Variants in SLC24A2 observed in about 807,000 individuals in gnomAD.
SLC24A2 encodes the protein solute carrier family 24 member 2.
SLC24A2 carries 36 observed loss-of-function variants against 62.0 expected under a neutral mutation model. That is an observed-to-expected ratio of 0.58 (90% confidence interval 0.44 to 0.77). SLC24A2 has a LOEUF of 0.77. Ranked by LOEUF, SLC24A2 falls within the 30% of genes least tolerant of loss-of-function variation. The pLI is 0.00. For missense variants in SLC24A2, 846 were observed against 817.9 expected (o/e 1.03, Z -0.42); for synonymous variants, 358 against 294.0 (o/e 1.22, Z -2.23).
chr9:19,550,220 CAGA>C lies in SLC24A2; in HGVS notation c.1393_1395del (p.Ser465del). 6.2e-7 allele frequency: 1 copy of C among 1,614,126 alleles called. No individual in the cohort carries two copies. The highest frequency in any genetic ancestry group is 1.6e-4 in the Middle Eastern group (1 of 6,062). On this transcript the variant is annotated inframe_deletion, in exon 8 of 11. Coordinates refer to ENST00000341998, the MANE Select transcript of SLC24A2 (RefSeq NM_020344.4). ...AGAAACGTGACTTGCTTGCGGGTTT[CAGA>C]AGGCCAGGCAAGGCTGAGAGGCTGG...
chr9:20,064,828 T>A, the SLC24A2 span, among the ~76,000 whole-genome samples: 1 of 152,096 alleles, frequency 6.6e-6, no homozygotes, highest in Non-Finnish European at 1.5e-5. Context: ...CATGAAGACA[T>A]GTTTCATGGA....
the SLC24A2 span, among the ~76,000 whole-genome samples, chr9:19,837,450 C>T: frequency 2.1e-4 from 20 of 97,288 alleles, no homozygotes; most frequent in African/African-American, 8.3e-4. Context: ...CAGAGCGAGA[C>T]TCCGTCTCAA....
chr9:20,015,052 T>G, the SLC24A2 span, among the ~76,000 whole-genome samples: 1 of 152,032 alleles, frequency 6.6e-6, no homozygotes, highest in African/African-American at 2.4e-5. Context: ...TAAAAAGAAA[T>G]AAACAAAAAA....
the SLC24A2 span, among the ~76,000 whole-genome samples, chr9:19,828,456 T>G: frequency 6.6e-6 from 1 of 152,026 alleles, no homozygotes; most frequent in Non-Finnish European, 1.5e-5. Flanking sequence ...TAATTCAAAA[T>G]AAAAAATTAA....
chr9:19,809,313 A>G, the SLC24A2 span, among the ~76,000 whole-genome samples: 1 of 152,202 alleles, frequency 6.6e-6, no homozygotes, highest in African/African-American at 2.4e-5. Context: ...ACACAGGTAC[A>G]GATTAAATGC....
At chr9:19,697,551 A>G (rs1301761134) in intron 2 of SLC24A2, among the ~76,000 whole-genome samples, 1 of 152,230 alleles carries the variant, frequency 6.6e-6, no homozygotes, top group African/African-American at 2.4e-5. Context: ...AATTGCATAA[A>G]TAAGTGATAC....
At chr9:19,884,599 T>A in the SLC24A2 span, among the ~76,000 whole-genome samples, 1 of 152,206 alleles carries the variant, frequency 6.6e-6, no homozygotes, top group East Asian at 1.9e-4. Context: ...TATATTCTTA[T>A]ATATAAACAT....
rs775271337 is a variant in SLC24A2, at chr9:19,550,297, C to T, written c.1348-29G>A. 4.3e-6 allele frequency: 7 copies of T among 1,612,498 alleles called. No homozygotes were observed. The Admixed American group carries it at 1.2e-4, about 27-fold the overall frequency. ...TGGTAGAAAAAGAGGTAAAATTAAA[C>T]AAACAAAAAAATAAAATGTACACAG... On this transcript the variant is annotated intron_variant, in intron 7 of 10. Coordinates refer to ENST00000341998, the MANE Select transcript of SLC24A2 (RefSeq NM_020344.4).
chr9:20,278,045 T>A, the SLC24A2 span, among the ~76,000 whole-genome samples: 2 of 151,896 alleles, frequency 1.3e-5, no homozygotes, highest in Non-Finnish European at 2.9e-5. Flanking sequence ...ATGAGAACAC[T>A]TGGACACAGG....
chr9:19,537,144 T>C (rs1834018425), intron 8 of SLC24A2, among the ~76,000 whole-genome samples: 1 of 150,776 alleles, frequency 6.6e-6, no homozygotes, highest in South Asian at 2.1e-4. Context: ...TTCTCCCATG[T>C]TGTAGGTTGC....
chr9:19,845,730 TATAAGC>T, the SLC24A2 span, among the ~76,000 whole-genome samples: 3 of 152,212 alleles, frequency 2.0e-5, no homozygotes, highest in Non-Finnish European at 4.4e-5. Context: ...TGTTTAGTGC[TATAAGC>T]TTTCCTCTTA....
chr9:20,024,610 G>A, the SLC24A2 span, among the ~76,000 whole-genome samples: 21 of 149,522 alleles, frequency 1.4e-4, no homozygotes, highest in African/African-American at 4.6e-4. Context: ...AGGATTAGTA[G>A]GTTCTCTGAT....
intron 5 of SLC24A2, among the ~76,000 whole-genome samples, chr9:19,584,891 T>A (rs1231872733): frequency 2.0e-5 from 3 of 152,194 alleles, no homozygotes; most frequent in Non-Finnish European, 4.4e-5. Context: ...TTAGTAAAAA[T>A]TAAATTACTC....
At chr9:19,947,975 T>G in the SLC24A2 span, among the ~76,000 whole-genome samples, 5 of 152,164 alleles carry the variant, frequency 3.3e-5, no homozygotes, top group Non-Finnish European at 7.4e-5. Flanking sequence ...CTCACCCTAA[T>G]TGCCTCTTTG....
the SLC24A2 span, among the ~76,000 whole-genome samples, chr9:20,111,348 T>A: frequency 6.6e-6 from 1 of 152,156 alleles, no homozygotes; most frequent in Non-Finnish European, 1.5e-5. Flanking sequence ...CCTCTCCAGG[T>A]GTTAACTGTT....
At chr9:19,738,936 G>A (rs973131056) in intron 2 of SLC24A2, among the ~76,000 whole-genome samples, 1 of 152,084 alleles carries the variant, frequency 6.6e-6, no homozygotes, top group Non-Finnish European at 1.5e-5. Flanking sequence ...GGCCAATATG[G>A]TGAAATCCCA....
the SLC24A2 span, among the ~76,000 whole-genome samples, chr9:19,930,431 G>A: frequency 6.6e-6 from 1 of 152,190 alleles, no homozygotes; most frequent in East Asian, 1.9e-4. Context: ...GCCTAGGTGT[G>A]TAGGTGGCTA....
chr9:19,986,431 C>T, the SLC24A2 span, among the ~76,000 whole-genome samples: 2 of 152,130 alleles, frequency 1.3e-5, no homozygotes, highest in African/African-American at 2.4e-5. Flanking sequence ...AATTCCATCT[C>T]TAGGTATGTA....
At chr9:19,814,353 T>C in the SLC24A2 span, among the ~76,000 whole-genome samples, 3 of 152,082 alleles carry the variant, frequency 2.0e-5, no homozygotes, top group Non-Finnish European at 2.9e-5. Context: ...CATGGAAGGA[T>C]AGGGAGTGGT....
Sources: gnomAD v4.1 joint callset for allele counts (sites outside exome capture counted in the v4.1 genomes callset) on GRCh38, gnomAD v4.1.1 for gene constraint, MANE v1.5 for transcripts, NCBI Gene and HGNC (gene_info 2026-07-23, HGNC 2026-07-21) for gene names.